NDC1: variants seen among roughly 807,000 people sequenced by gnomAD.
NDC1 encodes the protein NDC1 transmembrane nucleoporin.
In NDC1, 24 loss-of-function variants were observed where a neutral mutation model predicts 89.8. The ratio of observed to expected loss-of-function variants is 0.27; its 90% CI spans 0.19 to 0.38. The LOEUF (loss-of-function observed/expected upper bound fraction) is 0.38. Ranked by LOEUF, NDC1 falls within the 10% of genes least tolerant of loss-of-function variation. The pLI is 1.00. For synonymous variants in NDC1, 296 were observed against 284.8 expected, an observed-to-expected ratio of 1.04 and a Z score of -0.39; for missense variants, 728 against 797.6, an observed-to-expected ratio of 0.91 and a Z score of 1.05.
intron 16 of NDC1, among the ~76,000 whole-genome samples, chr1:53,785,499 G>C (rs1428065458): frequency 1.3e-5 from 2 of 152,356 alleles, no homozygotes; most frequent in Non-Finnish European, 2.9e-5. Context: ...CACTGGCTTT[G>C]ATGGGTAAGA....
intron 5 of NDC1, among the ~76,000 whole-genome samples, chr1:53,822,082 T>G (rs971935449): frequency 2.0e-5 from 3 of 152,348 alleles, no homozygotes; most frequent in Admixed American, 2.0e-4. Context: ...GCAATAGAAC[T>G]GGTTTTAGTA....
At position 53,765,777 on chromosome 1, in the gene NDC1, G is replaced by C. The variant is rs866587724; in HGVS notation, c.*2193C>G. ...GTTTTTATACTAACAGCCGAGAAAG[G>C]CTTTTAAAGAACACTCTCTTTCAGG... is the stretch of plus-strand genomic sequence containing the variant. On this transcript the variant is annotated 3_prime_UTR_variant, in exon 18 of 18. Coordinates refer to ENST00000371429, the MANE Select transcript of NDC1 (RefSeq NM_018087.5). The C allele has an allele frequency of 2.0e-5, 3 of 152,122 alleles. No individual in the cohort carries two copies. The highest frequency in any genetic ancestry group is 2.9e-5 in the Non-Finnish European group (2 of 68,016). 9.4% of individuals were successfully genotyped at this position (152,122 alleles called of 1,614,324 possible).
At position 53,785,687 on chromosome 1, in the gene NDC1, G is replaced by A. The variant is rs1041556847; in HGVS notation, c.1800+1471C>T. 2.6e-5 allele frequency among the ~76,000 whole-genome samples: 4 copies of A among 151,496 alleles called. No homozygotes were observed. The East Asian group carries it at 5.9e-4, about 22-fold the overall frequency. ...TCCCGGGTTCAAGCGGTTCTCCCCC[G>A]TCAGCCTCATAAGTAGCTGGGACTA... On this transcript the variant is annotated intron_variant, in intron 16 of 17. Coordinates refer to ENST00000371429, the MANE Select transcript of NDC1 (RefSeq NM_018087.5).
intron 6 of NDC1, among the ~76,000 whole-genome samples, chr1:53,811,288 GA>G (rs2100669805): frequency 6.6e-6 from 1 of 152,284 alleles, no homozygotes; most frequent in East Asian, 1.9e-4. Context: ...GAACTTGGGG[GA>G]GAGGGCAAAT....
chr1:53,814,576 A>G (rs1279302921), intron 6 of NDC1, among the ~76,000 whole-genome samples: 4 of 152,112 alleles, frequency 2.6e-5, no homozygotes, highest in Non-Finnish European at 5.9e-5. Flanking sequence ...ACCCAGCTGA[A>G]AAAAGGAAAT....
intron 9 of NDC1, among the ~76,000 whole-genome samples, chr1:53,805,122 CTTAT>C (rs1483605652): frequency 6.6e-6 from 1 of 152,026 alleles, no homozygotes; most frequent in Non-Finnish European, 1.5e-5. Context: ...TATTTATTTT[CTTAT>C]TTGTTTATAA....
intron 6 of NDC1, among the ~76,000 whole-genome samples, chr1:53,812,871 C>A (rs1373383186): frequency 6.6e-6 from 1 of 152,108 alleles, no homozygotes; most frequent in African/African-American, 2.4e-5. Context: ...CACCAGGTAA[C>A]CTATAAAGGA....
intron 16 of NDC1, 76 bp from the exon 17 acceptor site, chr1:53,772,565 T>G: frequency 7.1e-7 from 1 of 1,415,614 alleles, no homozygotes; most frequent in Non-Finnish European, 9.8e-7. Flanking sequence ...GGCTCACATG[T>G]GTAATCCCAA....
intron 1 of NDC1, 72 bp downstream of exon 1, chr1:53,838,133 C>T: frequency 7.0e-7 from 1 of 1,423,602 alleles, no homozygotes; most frequent in Non-Finnish European, 9.5e-7. Flanking sequence ...CCGCCCAGCG[C>T]GCACGCGCGA....
chr1:53,796,239 G>T (rs142668804), intron 13 of NDC1, among the ~76,000 whole-genome samples: 246 of 152,246 alleles, frequency 1.6e-3, no homozygotes, highest in African/African-American at 5.9e-3. Flanking sequence ...AATATGACCT[G>T]TTGAGATGCA....
intron 2 of NDC1, among the ~76,000 whole-genome samples, chr1:53,834,860 C>T (rs1327129839): frequency 1.3e-5 from 2 of 152,154 alleles, no homozygotes; most frequent in East Asian, 1.9e-4. Context: ...GTAATCCCAG[C>T]ACTTCGGGAG....
chr1:53,838,142 G>C, intron 1 of NDC1, 63 bp downstream of exon 1: 2 of 1,473,838 alleles, frequency 1.4e-6, no homozygotes, highest in African/African-American at 1.4e-5. Context: ...GCGCACGCGC[G>C]ATCAGAGCTT....
At chr1:53,835,695 T>C (rs1649207851) in intron 1 of NDC1, 75 bp from the exon 2 acceptor site, 1 of 1,320,358 alleles carries the variant, frequency 7.6e-7, no homozygotes, top group African/African-American at 1.5e-5. Flanking sequence ...TATCTTTTCA[T>C]ACAGGATGTT....
chr1:53,797,268 T>C (rs1647747374), intron 11 of NDC1, 124 bp from the exon 12 acceptor site: 2 of 878,958 alleles, frequency 2.3e-6, no homozygotes, highest in African/African-American at 3.3e-5. Flanking sequence ...CAGTAGATTG[T>C]TTCCATTTAT....
Position 53,787,167 on chromosome 1 carries a change from T to C in NDC1, c.1791A>G (p.Thr597=), listed in dbSNP as rs2100638078. Residue 597 remains threonine (T), a synonymous_variant, in exon 16 of 18, where the codon ACA becomes ACG. Coordinates refer to ENST00000371429, the MANE Select transcript of NDC1 (RefSeq NM_018087.5). ...TLPAILNTLL[T]LQEAVDKYFK... ...CCCACAGATTTCTTACCTCTTGCAG[T>C]GTCAACAAAGTATTAAGGATAGCTG... The C allele has an allele frequency of 1.3e-6, 2 of 1,594,640 alleles. No individual in the cohort carries two copies. Among genetic ancestry groups the C allele is most frequent in the African/African-American group, 2.7e-5 (2 of 74,334 alleles).
intron 16 of NDC1, among the ~76,000 whole-genome samples, chr1:53,782,378 T>C (rs746129057): frequency 6.6e-6 from 1 of 152,130 alleles, no homozygotes; most frequent in Non-Finnish European, 1.5e-5. Flanking sequence ...GGGTGGGTAA[T>C]GGAACTGCCA....
intron 17 of NDC1, 77 bp from the exon 18 acceptor site, chr1:53,768,110 A>G (rs1647081664): frequency 1.2e-6 from 1 of 844,604 alleles, no homozygotes; most frequent in South Asian, 2.2e-5. Flanking sequence ...GCACAGAGAC[A>G]ATATTTTTCA....
At chr1:53,788,897 CA>C (rs34635350) in intron 15 of NDC1, among the ~76,000 whole-genome samples, 101 of 136,800 alleles carry the variant, frequency 7.4e-4, no homozygotes, top group Admixed American at 9.5e-4. Flanking sequence ...ACTCTGTCTC[CA>C]AAAAAAAAAA....
intron 2 of NDC1, among the ~76,000 whole-genome samples, chr1:53,834,542 C>T (rs1447982317): frequency 6.6e-6 from 1 of 152,184 alleles, no homozygotes; most frequent in Non-Finnish European, 1.5e-5. Context: ...ACTCAACTTC[C>T]CACTTTACAA....
Sources: gnomAD v4.1 joint callset for allele counts (sites outside exome capture counted in the v4.1 genomes callset) on GRCh38, gnomAD v4.1.1 for gene constraint, MANE v1.5 for transcripts, NCBI Gene and HGNC (gene_info 2026-07-23, HGNC 2026-07-21) for gene names.